The following SLC2A11 variants were observed in gnomAD, a reference collection of about 807,000 sequenced individuals.
The protein encoded by SLC2A11 is solute carrier family 2, facilitated glucose transporter member 11.
Under a neutral mutation model 52.1 loss-of-function variants are expected in SLC2A11, and 43 were observed. That is an observed-to-expected ratio of 0.82 (90% CI 0.65 to 1.06). The LOEUF (loss-of-function observed/expected upper bound fraction) is 1.06, where lower values mean the gene tolerates loss of function less well. SLC2A11 is among the 50% of genes least tolerant of loss of function. The probability of loss-of-function intolerance (pLI) is 0.00; values close to 1 mark genes in which losing one functional copy is unlikely to be tolerated. For missense variants in SLC2A11, 582 were observed against 654.2 expected (o/e 0.89, Z 1.20); for synonymous variants, 261 against 277.6 (o/e 0.94, Z 0.59).
At chr22:23,878,275 TG>T (rs1238607685) in intron 6 of SLC2A11, among the ~76,000 whole-genome samples, 1 of 151,968 alleles carries the variant, frequency 6.6e-6, no homozygotes, top group Non-Finnish European at 1.5e-5. Context: ...AATTATTTAC[TG>T]CTTCTTTTAT....
At chr22:23,864,812 GAA>G (rs1268355290) in intron 2 of SLC2A11, among the ~76,000 whole-genome samples, 1 of 151,982 alleles carries the variant, frequency 6.6e-6, no homozygotes, top group African/African-American at 2.4e-5. Context: ...AATTGTTAAA[GAA>G]AAAGTTATTC....
rs969866578 is a variant in SLC2A11, at chr22:23,885,088, C to T, written c.*239C>T. On this transcript the variant is annotated 3_prime_UTR_variant, in exon 12 of 12. Coordinates refer to ENST00000316185, the MANE Select transcript of SLC2A11 (RefSeq NM_001024939.4). The stretch of plus-strand genomic sequence containing the variant: ...TAATTACAGGCTGGTTGTGGCAGCT[C>T]ATGACTGTAATCCCAGCACTTTGGG... The T allele has an allele frequency of 2.5e-5, 14 of 558,432 alleles. No individual in the cohort carries two copies. The highest frequency in any genetic ancestry group is 4.1e-5 in the Non-Finnish European group (13 of 317,038). The allele number at this position is 558,432 out of a possible 1,614,324, so 34.6% of individuals were successfully genotyped here.
chr22:23,875,845 T>C (rs1401576607), intron 4 of SLC2A11, among the ~76,000 whole-genome samples: 2 of 152,232 alleles, frequency 1.3e-5, no homozygotes, highest in African/African-American at 4.8e-5. Flanking sequence ...TCTCACAGTT[T>C]CTGTGGGCCA....
At chr22:23,867,418 G>C in intron 2 of SLC2A11, 1 of 184,090 alleles carries the variant, frequency 5.4e-6, no homozygotes, top group Non-Finnish European at 1.2e-5. Flanking sequence ...GGCTGGTCTT[G>C]AATTCCTGAC....
At position 23,885,129 on chromosome 22, in the gene SLC2A11, G is replaced by A; in HGVS notation, c.*280G>A. The A allele has an allele frequency of 1.9e-6, 1 of 517,772 alleles. No individual in the cohort carries two copies. The highest frequency in any genetic ancestry group is 3.4e-6 in the Non-Finnish European group (1 of 295,820). The allele number at this position is 517,772 out of a possible 1,614,324, so 32.1% of individuals were successfully genotyped here. ...GCACTTTGGGAGGCCAAGGTGGGAG[G>A]ATCAATTGAGGCCAGAGTTTGAAAC... On this transcript the variant is annotated 3_prime_UTR_variant, in exon 12 of 12. Coordinates refer to ENST00000316185, the MANE Select transcript of SLC2A11 (RefSeq NM_001024939.4).
Position 23,882,860 on chromosome 22 carries a change from G to A in SLC2A11, c.984G>A (p.Ala328=), listed in dbSNP as rs545329105. The change falls in exon 8 of 12, where the codon GCG becomes GCA. Residue 328 remains alanine (A), a synonymous_variant. Transcript: ENST00000316185. ...CTGGGAGCTGCGAGCTGCTCACGGC[G>A]GTTGTTAGTGTGAGTCTGGAGGGTG... The part of the protein sequence containing the change: ...IGTGSCELLT[A]VVSCVVIERV... 371 of 1,610,916 alleles carry A rather than the reference G, an allele frequency of 2.3e-4. 1 individual carries two copies. The highest frequency in any genetic ancestry group is 1.4e-3 in the South Asian group (125 of 90,362).
chr22:23,870,156 A>T, intron 3 of SLC2A11: 1 of 632,412 alleles, frequency 1.6e-6, no homozygotes, highest in South Asian at 1.9e-5. Context: ...GAGTAGGGGA[A>T]CAGTCGCAAA....
intron 4 of SLC2A11, 84 bp from the exon 5 acceptor site, chr22:23,876,958 A>G: frequency 6.2e-7 from 1 of 1,603,498 alleles, no homozygotes; most frequent in Non-Finnish European, 8.5e-7. Flanking sequence ...GACAGTGCTG[A>G]GTGGGGCAGG....
chr22:23,857,684 T>C (rs111242262), upstream of SLC2A11, among the ~76,000 whole-genome samples: 20 of 146,818 alleles, frequency 1.4e-4, no homozygotes, highest in African/African-American at 3.8e-4. Context: ...TCAGGCGCCC[T>C]CCGCGACACT....
At chr22:23,867,291 G>A (rs961449641) in intron 2 of SLC2A11, 3 of 156,762 alleles carry the variant, frequency 1.9e-5, no homozygotes, top group Non-Finnish European at 4.2e-5. Flanking sequence ...CCGGGTTCAA[G>A]CAATTCTTCT....
At chr22:23,860,733 TTTTTTTTTTTTGAGA>T (rs2032021920) in intron 1 of SLC2A11, among the ~76,000 whole-genome samples, 4 of 124,658 alleles carry the variant, frequency 3.2e-5, no homozygotes, top group East Asian at 3.1e-4. Context: ...ACTCCGTCTC[TTTTTTTTTTTTGAGA>T]CGGAGTCTCA....
rs776704626 is a variant in SLC2A11 at position 23,883,755 on chromosome 22, G to A, written c.994-17G>A. On this transcript the variant is annotated splice_polypyrimidine_tract_variant and intron_variant, in intron 8 of 11. Coordinates refer to ENST00000316185, the MANE Select transcript of SLC2A11 (RefSeq NM_001024939.4). ...ACCATGGCTGGGTGTGTGGGTCTGT[G>A]CTTTCTGCCTTTGCAGTGTGTGGTA... 2.0e-6 allele frequency: 3 copies of A among 1,501,956 alleles called. No individual in the cohort carries two copies. Among genetic ancestry groups the A allele is most frequent in the Non-Finnish European group, 2.7e-6 (3 of 1,128,814 alleles). The allele number at this position is 1,501,956 out of a possible 1,614,324, so 93.0% of individuals were successfully genotyped here. A position where few individuals can be genotyped will look rare whatever the true frequency, so the allele number is the denominator to read the frequency against.
rs56138210 is a variant in SLC2A11, at chr22:23,861,290, CAA to C, written c.31-790_31-789del. On this transcript the variant is annotated intron_variant, in intron 1 of 11. Coordinates refer to ENST00000316185, the MANE Select transcript of SLC2A11 (RefSeq NM_001024939.4). ...ACTGCGCCAGGCCAAGACTCAGTCTCAAAAAAAAAAAAAAAAAAAAAAAAAGA... is the reference window on the plus strand; with the variant it reads ...ACTGCGCCAGGCCAAGACTCAGTCTCAAAAAAAAAAAAAAAAAAAAAAAGA... Among the ~76,000 whole-genome samples, 209 of 35,600 alleles carry C rather than the reference CAA, an allele frequency of 5.9e-3. 4 individuals carry two copies. In the South Asian group the frequency reaches 0.15, roughly 25 times the overall value. 23.4% of individuals were successfully genotyped at this position (35,600 alleles called of 152,430 possible).
At chr22:23,858,246 T>C in intron 1 of SLC2A11, 1 of 740,726 alleles carries the variant, frequency 1.4e-6, no homozygotes, top group Non-Finnish European at 2.4e-6. Context: ...GCAAGGTTGC[T>C]GGACCCTGGC....
At chr22:23,865,954 C>T (rs2032246562) in intron 2 of SLC2A11, 1 of 152,124 alleles carries the variant, frequency 6.6e-6, no homozygotes, top group African/African-American at 2.4e-5. Context: ...TTGCTTGAGC[C>T]CCGGAGTTTG....
Position 23,883,773 on chromosome 22 carries a change from G to C in SLC2A11, c.995G>C (p.Cys332Ser), listed in dbSNP as rs1465961019. 1 of 1,528,700 alleles carries C rather than the reference G, an allele frequency of 6.5e-7. No homozygotes were observed. The highest frequency in any genetic ancestry group is 1.3e-5 in the South Asian group (1 of 77,152). The allele number at this position is 1,528,700 out of a possible 1,614,324, so 94.7% of individuals were successfully genotyped here. Residue 332 changes from cysteine (C) to serine (S), a missense_variant and splice_region_variant, in exon 9 of 12, where the codon TGT (cysteine) becomes TCT (serine). Coordinates refer to ENST00000316185, the MANE Select transcript of SLC2A11 (RefSeq NM_001024939.4). ...SCELLTAVVS[C>S]VVIERVGRRV... Reference sequence around the variant, plus strand: ...GGTCTGTGCTTTCTGCCTTTGCAGTGTGTGGTAATCGAGAGGGTGGGTCGG... The same window carrying C: ...GGTCTGTGCTTTCTGCCTTTGCAGTCTGTGGTAATCGAGAGGGTGGGTCGG...
At chr22:23,875,653 G>C (rs886674581) in intron 4 of SLC2A11, among the ~76,000 whole-genome samples, 5 of 152,156 alleles carry the variant, frequency 3.3e-5, no homozygotes, top group African/African-American at 1.2e-4. Flanking sequence ...TGAGAGAGCA[G>C]AATTTTGAGC....
At chr22:23,878,658 T>C (rs748732804) in intron 6 of SLC2A11, among the ~76,000 whole-genome samples, 1 of 152,188 alleles carries the variant, frequency 6.6e-6, no homozygotes, top group Non-Finnish European at 1.5e-5. Context: ...GCAAGGGCTG[T>C]GGATTTAAGG....
chr22:23,877,456 C>T (rs766263937), intron 5 of SLC2A11: 2 of 761,490 alleles, frequency 2.6e-6, no homozygotes, highest in South Asian at 1.5e-5. Flanking sequence ...AAACGTGTTC[C>T]AGTCATTCCA....
Sources: gnomAD v4.1 joint callset for allele counts (sites outside exome capture counted in the v4.1 genomes callset) on GRCh38, gnomAD v4.1.1 for gene constraint, MANE v1.5 for transcripts, NCBI Gene and HGNC (gene_info 2026-07-23, HGNC 2026-07-21) for gene names.